LARGE1: variants seen among roughly 807,000 people sequenced by gnomAD.
LARGE1 encodes xylosyl- and glucuronyltransferase LARGE1.
LARGE1 carries 43 observed loss-of-function variants against 87.6 expected under a neutral mutation model. The ratio of observed to expected loss-of-function variants is 0.49; its 90% CI spans 0.38 to 0.63. The LOEUF (loss-of-function observed/expected upper bound fraction) is 0.63. LARGE1 is among the 30% of genes least tolerant of loss of function. LARGE1 has a pLI of 0.00. For synonymous variants in LARGE1, 434 were observed against 394.6 expected, an observed-to-expected ratio of 1.10 and a Z score of -1.18; for missense variants, 802 against 1,000.2, an observed-to-expected ratio of 0.80 and a Z score of 2.67.
intron 12 of LARGE1, among the ~76,000 whole-genome samples, chr22:33,303,732 C>T (rs1287197419): frequency 6.6e-6 from 1 of 151,948 alleles, no homozygotes; most frequent in African/African-American, 2.4e-5. Flanking sequence ...AGAGATTCTC[C>T]TGCCTCAGCT....
In LARGE1 at chr22:33,898,035, T is replaced by A. The variant is rs929035011; in HGVS notation, c.-83+21960A>T. On this transcript the variant is annotated intron_variant, in intron 1 of 14. Coordinates refer to ENST00000397394, the MANE Select transcript of LARGE1 (RefSeq NM_133642.5). ...CCTGTTTAAAAAACAAGAGACCCAG[T>A]CCTGTCACTCCTTTCAGCATACACG... Among the ~76,000 whole-genome samples, 18 of 152,284 alleles carry A rather than the reference T, an allele frequency of 1.2e-4. 2 individuals carry two copies. Among genetic ancestry groups the A allele is most frequent in the Admixed American group, 1.0e-3 (16 of 15,296 alleles).
rs546188350 is a variant in LARGE1 at position 33,845,404 on chromosome 22, G to T, written c.-83+74591C>A. On this transcript the variant is annotated intron_variant, in intron 1 of 14. Coordinates refer to ENST00000397394, the MANE Select transcript of LARGE1 (RefSeq NM_133642.5). ...GCTCACCGCAACCTCTACCTCCTGG[G>T]TTCAGGCGATTCTCCTGCCTAAGCC... Among the ~76,000 whole-genome samples, 33 of 152,234 alleles carry T rather than the reference G, an allele frequency of 2.2e-4. 1 individual carries two copies. The East Asian group carries it at 5.8e-3, about 27-fold the overall frequency.
chr22:33,303,219 C>T (rs577885813), intron 12 of LARGE1, among the ~76,000 whole-genome samples: 17 of 152,320 alleles, frequency 1.1e-4, no homozygotes, highest in African/African-American at 2.9e-4. Flanking sequence ...GCTGACACCC[C>T]GTCCCATGAT....
intron 1 of LARGE1, among the ~76,000 whole-genome samples, chr22:33,796,974 G>A (rs2086006531): frequency 6.6e-6 from 1 of 151,980 alleles, no homozygotes; most frequent in Non-Finnish European, 1.5e-5. Context: ...AAGTTTGCCA[G>A]GCTGGTCTTG....
chr22:33,826,344 C>CTTTTTT (rs35127990), intron 1 of LARGE1, among the ~76,000 whole-genome samples: 29 of 137,870 alleles, frequency 2.1e-4, no homozygotes, highest in African/African-American at 7.7e-4. Flanking sequence ...CTTTGCATAC[C>CTTTTTT]TTTTTTTTTT....
At chr22:33,912,699 C>T (rs907052721) in intron 1 of LARGE1, among the ~76,000 whole-genome samples, 3 of 151,834 alleles carry the variant, frequency 2.0e-5, no homozygotes, top group East Asian at 1.9e-4. Flanking sequence ...AAGCCTTAAA[C>T]GCCCTACAGT....
At chr22:33,749,555 C>A (rs116318797) in intron 2 of LARGE1, among the ~76,000 whole-genome samples, 8,567 of 152,294 alleles carry the variant, frequency 0.056, 325 homozygotes, top group South Asian at 0.21. Flanking sequence ...CCCCAACCAT[C>A]AACATTTGCC....
At position 33,366,117 on chromosome 22, in the gene LARGE1, G is replaced by A. The variant is rs141983627; in HGVS notation, c.1131+15802C>T. Among the ~76,000 whole-genome samples, 627 of 152,182 alleles carry A rather than the reference G, an allele frequency of 4.1e-3. 2 individuals carry two copies. The highest frequency in any genetic ancestry group is 6.8e-3 in the Middle Eastern group (2 of 292). On this transcript the variant is annotated intron_variant, in intron 9 of 14. Transcript: ENST00000397394. Reference sequence around the variant, plus strand: ...CCTTCACTTTCTAAGTTTCTAATCCGTCTGGAATTAATTTTATGCATGGTA... The same window carrying A: ...CCTTCACTTTCTAAGTTTCTAATCCATCTGGAATTAATTTTATGCATGGTA...
rs966731522 is a variant in LARGE1 at position 33,272,815 on chromosome 22, C to T, written c.*1612G>A. On this transcript the variant is annotated 3_prime_UTR_variant, in exon 15 of 15. Coordinates refer to ENST00000397394, the MANE Select transcript of LARGE1 (RefSeq NM_133642.5). ...TTTACAATTGATTACCAGGATTTACCCTCCTAGCCCACATCTGGTAGAAGA... is the reference window on the plus strand; with the variant it reads ...TTTACAATTGATTACCAGGATTTACTCTCCTAGCCCACATCTGGTAGAAGA... The T allele has an allele frequency of 6.6e-6, 1 of 152,152 alleles. No homozygotes were observed. Among genetic ancestry groups the T allele is most frequent in the Non-Finnish European group, 1.5e-5 (1 of 68,034 alleles). 9.4% of individuals were successfully genotyped at this position (152,152 alleles called of 1,614,324 possible).
intron 6 of LARGE1, among the ~76,000 whole-genome samples, chr22:33,514,902 T>C (rs1223572233): frequency 2.0e-5 from 3 of 151,962 alleles, no homozygotes; most frequent in African/African-American, 7.3e-5. Context: ...TCACTGAGGC[T>C]GTCAATAACA....
intron 6 of LARGE1, among the ~76,000 whole-genome samples, chr22:33,518,566 C>T (rs2071416954): frequency 6.6e-6 from 1 of 152,218 alleles, no homozygotes; most frequent in South Asian, 2.1e-4. Flanking sequence ...GCCTCGGCCT[C>T]CCAAAAGGTT....
rs971907841 is a variant in LARGE1, at chr22:33,237,443, A to G, written c.1730+66786T>C. 5.9e-5 allele frequency among the ~76,000 whole-genome samples: 9 copies of G among 151,270 alleles called. No homozygotes were observed. In the East Asian group the frequency reaches 1.7e-3, roughly 29 times the overall value. ...CTAAAGTTGACTTTACTAGGAAAAA[A>G]AAGAATATTTAAGGAAATGAATGTT... On this transcript the variant is annotated intron_variant, in intron 11 of 11. Coordinates refer to the LARGE1 transcript ENST00000608642.
intron 6 of LARGE1, among the ~76,000 whole-genome samples, chr22:33,491,877 G>A (rs1479892440): frequency 6.6e-6 from 1 of 152,166 alleles, no homozygotes; most frequent in Non-Finnish European, 1.5e-5. Flanking sequence ...AGACAAGGTC[G>A]AGGGGAAAGA....
chr22:33,912,247 C>G (rs553142361), intron 1 of LARGE1, among the ~76,000 whole-genome samples: 7 of 152,180 alleles, frequency 4.6e-5, no homozygotes, highest in Non-Finnish European at 8.8e-5. Flanking sequence ...TTAGCCGCAG[C>G]AAGGTTAACC....
chr22:33,473,323 C>T (rs1344417365), intron 6 of LARGE1, among the ~76,000 whole-genome samples: 2 of 152,112 alleles, frequency 1.3e-5, no homozygotes, highest in Non-Finnish European at 2.9e-5. Flanking sequence ...CACCCACCAC[C>T]ATGCCCGGGT....
At chr22:33,529,217 C>A (rs150775870) in intron 6 of LARGE1, among the ~76,000 whole-genome samples, 1 of 152,276 alleles carries the variant, frequency 6.6e-6, no homozygotes. Flanking sequence ...CCTCTCTAAT[C>A]CCTGGCTCAT....
At chr22:33,400,600 G>A (rs2065898631) in intron 7 of LARGE1, among the ~76,000 whole-genome samples, 1 of 152,196 alleles carries the variant, frequency 6.6e-6, no homozygotes, top group Non-Finnish European at 1.5e-5. Context: ...TCCCTCCCCA[G>A]AAGGGAGAGA....
intron 4 of LARGE1, among the ~76,000 whole-genome samples, chr22:33,623,936 A>T (rs2079837632): frequency 6.6e-6 from 1 of 152,144 alleles, no homozygotes; most frequent in South Asian, 2.1e-4. Flanking sequence ...CAGCTGTGGC[A>T]GGAGAATCGC....
At chr22:33,807,550 T>C (rs2086351867) in intron 1 of LARGE1, among the ~76,000 whole-genome samples, 3 of 152,202 alleles carry the variant, frequency 2.0e-5, no homozygotes. Flanking sequence ...GTCCACTGTT[T>C]ACATGACAGT....
Sources: gnomAD v4.1 joint callset for allele counts (sites outside exome capture counted in the v4.1 genomes callset) on GRCh38, gnomAD v4.1.1 for gene constraint, MANE v1.5 for transcripts, NCBI Gene and HGNC (gene_info 2026-07-23, HGNC 2026-07-21) for gene names.